CFAP299: variants seen among roughly 807,000 people sequenced by gnomAD.
CFAP299 encodes cilia and flagella associated protein 299.
In CFAP299, 21 loss-of-function variants were observed where a neutral mutation model predicts 27.0. That is an observed-to-expected ratio of 0.78 (90% CI 0.55 to 1.12). The LOEUF (loss-of-function observed/expected upper bound fraction) is 1.12, where lower values mean the gene tolerates loss of function less well. CFAP299 is among the 50% of genes most tolerant of loss of function. CFAP299 has a pLI of 0.00. For missense variants in CFAP299, 310 were observed against 276.6 expected, an observed-to-expected ratio of 1.12 and a Z score of -0.86; for synonymous variants, 104 against 98.1, an observed-to-expected ratio of 1.06 and a Z score of -0.36.
intron 2 of CFAP299, among the ~76,000 whole-genome samples, chr4:80,497,298 C>T (rs1156800228): frequency 1.3e-5 from 2 of 152,122 alleles, no homozygotes; most frequent in East Asian, 3.9e-4. Flanking sequence ...TAAGGAGTTT[C>T]TCAAAGTAAT....
chr4:80,822,380 A>T (rs533620818), intron 3 of CFAP299, among the ~76,000 whole-genome samples: 1 of 152,294 alleles, frequency 6.6e-6, no homozygotes, highest in African/African-American at 2.4e-5. Flanking sequence ...AGAAAATATG[A>T]TTTAAGTTAG....
chr4:80,664,773 G>T lies in CFAP299; in HGVS notation c.333+81590G>T, dbSNP rs185106147. On this transcript the variant is annotated intron_variant, in intron 3 of 5. Transcript: ENST00000358105. ...GGCTGGTGTTCTAGGCACCACTGGG[G>T]TATGAAAAAAAACTCCTGCAGCTAG... Among the ~76,000 whole-genome samples, 770 of 152,136 alleles carry T rather than the reference G, an allele frequency of 5.1e-3. 5 individuals carry two copies. Among genetic ancestry groups the T allele is most frequent in the Middle Eastern group, 0.02 (6 of 294 alleles).
intron 3 of CFAP299, among the ~76,000 whole-genome samples, chr4:80,701,274 A>C (rs535626710): frequency 1.3e-5 from 2 of 152,154 alleles, no homozygotes; most frequent in African/African-American, 4.8e-5. Context: ...AGGATATAGA[A>C]AACAGATTTC....
chr4:80,329,073 C>G, the CFAP299 span, among the ~76,000 whole-genome samples: 1 of 151,792 alleles, frequency 6.6e-6, no homozygotes, highest in African/African-American at 2.4e-5. Context: ...TATAAGATTT[C>G]TTTTTTTGCG....
At chr4:80,335,948 G>A in intron 1 of CFAP299, 69 bp downstream of exon 1, 2 of 1,005,086 alleles carry the variant, frequency 2.0e-6, no homozygotes, top group Non-Finnish European at 3.2e-6. Flanking sequence ...TTCCCGCTTC[G>A]TGGGCTGGTC....
At chr4:80,412,084 T>A (rs1247685839) in intron 2 of CFAP299, among the ~76,000 whole-genome samples, 1 of 152,138 alleles carries the variant, frequency 6.6e-6, no homozygotes, top group African/African-American at 2.4e-5. Context: ...CTTACATAGG[T>A]CCCTCAGCTA....
chr4:80,716,787 C>T (rs1722512025), intron 3 of CFAP299, among the ~76,000 whole-genome samples: 1 of 152,060 alleles, frequency 6.6e-6, no homozygotes, highest in African/African-American at 2.4e-5. Context: ...TAATGTATAG[C>T]TGTGGATTAG....
At position 80,436,750 on chromosome 4, in the gene CFAP299, A is replaced by G. The variant is rs534786728; in HGVS notation, c.242+73866A>G. 5.3e-5 allele frequency among the ~76,000 whole-genome samples: 8 copies of G among 152,100 alleles called. No homozygotes were observed. The South Asian group carries it at 1.7e-3, about 32-fold the overall frequency. On this transcript the variant is annotated intron_variant, in intron 2 of 5. Transcript: ENST00000358105. ...GGAAAATAGAGAAAAATATAATACG[A>G]CCTTTTGTCCTTGGGTAATTTTGTG...
At chr4:80,918,025 C>A (rs1294224553) in intron 4 of CFAP299, among the ~76,000 whole-genome samples, 1 of 152,112 alleles carries the variant, frequency 6.6e-6, no homozygotes, top group Non-Finnish European at 1.5e-5. Context: ...ATTTCTTGTT[C>A]AACTCAGTGC....
chr4:80,736,146 A>C (rs989009063), intron 3 of CFAP299, among the ~76,000 whole-genome samples: 1 of 152,110 alleles, frequency 6.6e-6, no homozygotes, highest in Non-Finnish European at 1.5e-5. Flanking sequence ...TTAGACATGA[A>C]GTCCTTGCCC....
intron 2 of CFAP299, among the ~76,000 whole-genome samples, chr4:80,556,489 T>C (rs1259362823): frequency 6.6e-6 from 1 of 151,970 alleles, no homozygotes; most frequent in Non-Finnish European, 1.5e-5. Flanking sequence ...GGAACACATA[T>C]GAACAACACA....
chr4:80,705,907 A>G (rs1415585224), intron 3 of CFAP299, among the ~76,000 whole-genome samples: 1 of 151,940 alleles, frequency 6.6e-6, no homozygotes, highest in African/African-American at 2.4e-5. Context: ...GATTGTTAAC[A>G]GTAAAAAATA....
At chr4:80,926,514 GA>G (rs1736312953) in intron 4 of CFAP299, among the ~76,000 whole-genome samples, 1 of 151,952 alleles carries the variant, frequency 6.6e-6, no homozygotes, top group Admixed American at 6.6e-5. Flanking sequence ...ATAGACATGA[GA>G]GAGATTAAAG....
At chr4:80,717,320 G>T (rs1722547239) in intron 3 of CFAP299, among the ~76,000 whole-genome samples, 1 of 152,176 alleles carries the variant, frequency 6.6e-6, no homozygotes, top group East Asian at 1.9e-4. Context: ...GATGAGTTGA[G>T]TTTGGCTGCT....
intron 3 of CFAP299, among the ~76,000 whole-genome samples, chr4:80,809,779 G>C (rs1729049092): frequency 2.0e-5 from 3 of 152,082 alleles, no homozygotes; most frequent in South Asian, 2.1e-4. Context: ...AACCTCCAAG[G>C]GTTTCCCCAC....
intron 4 of CFAP299, among the ~76,000 whole-genome samples, chr4:80,891,845 A>T (rs1361037945): frequency 6.9e-6 from 1 of 145,160 alleles, no homozygotes; most frequent in Admixed American, 6.8e-5. Flanking sequence ...AAAAAAAAAA[A>T]AAAAGAAATT....
chr4:80,822,160 C>T (rs569401587), intron 3 of CFAP299, among the ~76,000 whole-genome samples: 10 of 152,196 alleles, frequency 6.6e-5, no homozygotes, highest in South Asian at 4.1e-4. Context: ...TCCAGTTTTT[C>T]GGGATCCAAC....
chr4:80,861,415 C>T (rs1255314747), intron 3 of CFAP299, among the ~76,000 whole-genome samples: 1 of 152,178 alleles, frequency 6.6e-6, no homozygotes, highest in Non-Finnish European at 1.5e-5. Flanking sequence ...GCACTGAACC[C>T]ACTGACCTGT....
chr4:80,546,516 T>A (rs1734236404), intron 2 of CFAP299, among the ~76,000 whole-genome samples: 1 of 152,160 alleles, frequency 6.6e-6, no homozygotes, highest in African/African-American at 2.4e-5. Flanking sequence ...TGTCCATGGA[T>A]AGTGATATAG....
Sources: allele counts gnomAD v4.1 joint callset (sites outside exome capture counted in the v4.1 genomes callset), GRCh38; gene constraint gnomAD v4.1.1; transcripts MANE v1.5; gene names NCBI Gene and HGNC (gene_info 2026-07-23, HGNC 2026-07-21).